GZMK: variants seen among roughly 807,000 people sequenced by gnomAD.
The protein encoded by GZMK is NK-Tryp-2.
In GZMK, 18 loss-of-function variants were observed where a neutral mutation model predicts 22.8. The observed-to-expected ratio is 0.79, with a 90% confidence interval of 0.54 to 1.17. The LOEUF is 1.17. Among genes scored for constraint, GZMK ranks in the 50% most tolerant of loss-of-function variants. The pLI, the probability that GZMK is intolerant of heterozygous loss-of-function variation, is 0.00. For synonymous variants in GZMK, 136 were observed against 115.0 expected, an observed-to-expected ratio of 1.18 and a Z score of -1.17; for missense variants, 342 against 320.2, an observed-to-expected ratio of 1.07 and a Z score of -0.52.
intron 4 of GZMK, 40 bp from the exon 5 acceptor site, chr5:55,033,725 C>T: frequency 6.5e-7 from 1 of 1,539,000 alleles, no homozygotes; most frequent in Non-Finnish European, 8.8e-7. Context: ...AATATCCCAA[C>T]AGCTTCTTAC....
In GZMK at chr5:55,024,779, G is replaced by C; in HGVS notation, c.184G>C (p.Val62Leu). 4 of 1,607,754 alleles carry C rather than the reference G, an allele frequency of 2.5e-6. No individual in the cohort carries two copies. The highest frequency in any genetic ancestry group is 2.6e-6 in the Non-Finnish European group (3 of 1,175,438). The change falls in exon 2 of 5, where the codon GTG becomes CTG. Residue 62 changes from valine (V) to leucine (L), a missense_variant. Val to Leu is a conservative substitution (Grantham distance 32). Coordinates refer to ENST00000231009, the MANE Select transcript of GZMK (RefSeq NM_002104.3). Reference protein sequence around the residue: ...CGGVLIDPQWVLTAAHCQYRF... With the variant: ...CGGVLIDPQWLLTAAHCQYRF... ...AGGTGTTCTGATTGATCCACAGTGG[G>C]TGCTGACAGCAGCCCACTGCCAATA... is the stretch of plus-strand genomic sequence containing the variant.
intron 4 of GZMK, among the ~76,000 whole-genome samples, chr5:55,033,479 A>T (rs1741265998): frequency 6.6e-6 from 1 of 152,244 alleles, no homozygotes; most frequent in Non-Finnish European, 1.5e-5. Flanking sequence ...ATAGATAGGG[A>T]CAAAACAGAG....
Position 55,034,111 on chromosome 5 carries a change from C to A in GZMK, c.*185C>A. ...GTATTTCTACCATGCTGGTTTTATT[C>A]TAAATAAAATTTAGAAGACTCTCTG... On this transcript the variant is annotated 3_prime_UTR_variant, in exon 5 of 5. Coordinates refer to ENST00000231009, the MANE Select transcript of GZMK (RefSeq NM_002104.3). The A allele has an allele frequency of 1.9e-6, 1 of 521,568 alleles. No homozygotes were observed. The highest frequency in any genetic ancestry group is 3.7e-5 in the Admixed American group (1 of 26,924). The allele number at this position is 521,568 out of a possible 1,614,324, so 32.3% of individuals were successfully genotyped here. A position where few individuals can be genotyped will look rare whatever the true frequency, so the allele number is the denominator to read the frequency against.
At chr5:55,027,329 C>T (rs902836686) in intron 2 of GZMK, among the ~76,000 whole-genome samples, 2 of 152,208 alleles carry the variant, frequency 1.3e-5, no homozygotes, top group East Asian at 3.9e-4. Flanking sequence ...AGACCTCCCT[C>T]TCTGACAGCC....
At chr5:55,024,411 T>A in intron 1 of GZMK, 25 bp downstream of exon 1, 1 of 1,055,280 alleles carries the variant, frequency 9.5e-7, no homozygotes, top group Non-Finnish European at 1.5e-6. Context: ...TATCTACATG[T>A]AAACATTAAA....
At chr5:55,028,547 T>C (rs1015470254) in intron 2 of GZMK, 1 of 81,890 alleles carries the variant, frequency 1.2e-5, no homozygotes, top group African/African-American at 1.1e-4. Flanking sequence ...ACCACAGGCA[T>C]TTGCCATTTT....
In GZMK at chr5:55,033,810, A is replaced by G; in HGVS notation, c.679A>G (p.Ile227Val). ...PLICKGVFHA[I>V]VSGGHECGVA... The stretch of plus-strand genomic sequence containing the variant: ...GATCTGTAAAGGTGTCTTCCACGCT[A>G]TAGTCTCTGGAGGTCATGAATGTGG... The change falls in exon 5 of 5, where the codon ATA (isoleucine) becomes GTA (valine). Residue 227 changes from isoleucine to valine, a missense_variant. Transcript: ENST00000231009. 1.2e-6 allele frequency: 2 copies of G among 1,613,832 alleles called. No homozygotes were observed. The highest frequency in any genetic ancestry group is 2.2e-5 in the East Asian group (1 of 44,868).
chr5:55,029,785 G>A (rs919799548), intron 2 of GZMK, among the ~76,000 whole-genome samples: 7 of 152,042 alleles, frequency 4.6e-5, no homozygotes, highest in Non-Finnish European at 8.8e-5. Context: ...CAAACTCCTG[G>A]CCTCAAATGA....
intron 2 of GZMK, chr5:55,025,802 T>G (rs927489768): frequency 1.3e-5 from 2 of 152,238 alleles, no homozygotes; most frequent in Non-Finnish European, 2.9e-5. Context: ...TTTTCTATGC[T>G]TTGGGGGTTT....
At position 55,033,987 on chromosome 5, in the gene GZMK, A is replaced by G; in HGVS notation, c.*61A>G. On this transcript the variant is annotated 3_prime_UTR_variant, in exon 5 of 5. Coordinates refer to ENST00000231009, the MANE Select transcript of GZMK (RefSeq NM_002104.3). ...TTTTCCTAATATGCTCGCAGGTTAG[A>G]GTTGGGTGTAAGTAAAGCAGAGCAC... The G allele has an allele frequency of 7.2e-7, 1 of 1,396,148 alleles. No homozygotes were observed. 86.5% of individuals were successfully genotyped at this position (1,396,148 alleles called of 1,614,324 possible). A position where few individuals can be genotyped will look rare whatever the true frequency, so the allele number is the denominator to read the frequency against.
At chr5:55,032,983 C>T (rs1156666648) in intron 4 of GZMK, among the ~76,000 whole-genome samples, 1 of 152,180 alleles carries the variant, frequency 6.6e-6, no homozygotes, top group Non-Finnish European at 1.5e-5. Flanking sequence ...TCCTAAACAT[C>T]GGTTATCATG....
In GZMK at chr5:55,033,753, T is replaced by C. The variant is rs761648143; in HGVS notation, c.634-12T>C. ...CTTCTTACCACGTATTTGCCCTTTT[T>C]CTTCCTTCCAGGGTGACTCAGGGGG... On this transcript the variant is annotated splice_polypyrimidine_tract_variant and intron_variant, in intron 4 of 4. Coordinates refer to ENST00000231009, the MANE Select transcript of GZMK (RefSeq NM_002104.3). The C allele has an allele frequency of 6.3e-7, 1 of 1,576,032 alleles. No individual in the cohort carries two copies. Among genetic ancestry groups the C allele is most frequent in the South Asian group, 1.2e-5 (1 of 84,770 alleles).
At position 55,033,745 on chromosome 5, in the gene GZMK, G is replaced by T. The variant is rs763458215; in HGVS notation, c.634-20G>T. Reference sequence around the variant, plus strand: ...CCCAACAGCTTCTTACCACGTATTTGCCCTTTTTCTTCCTTCCAGGGTGAC... The same window carrying T: ...CCCAACAGCTTCTTACCACGTATTTTCCCTTTTTCTTCCTTCCAGGGTGAC... On this transcript the variant is annotated intron_variant, in intron 4 of 4. Transcript: ENST00000231009. The T allele has an allele frequency of 6.4e-7, 1 of 1,571,828 alleles. No individual in the cohort carries two copies. The highest frequency in any genetic ancestry group is 1.2e-5 in the South Asian group (1 of 84,370).
intron 4 of GZMK, among the ~76,000 whole-genome samples, chr5:55,033,397 G>A (rs1741264241): frequency 1.3e-5 from 2 of 152,312 alleles, no homozygotes; most frequent in African/African-American, 4.8e-5. Context: ...TTTTATTTCA[G>A]TGGATTATTT....
At chr5:55,025,631 T>C (rs893181636) in intron 2 of GZMK, 2 of 135,270 alleles carry the variant, frequency 1.5e-5, no homozygotes, top group Non-Finnish European at 3.1e-5. Context: ...CTTGGGTTTT[T>C]GGTTTTGTTT....
rs764420152 is a variant in GZMK at position 55,024,789 on chromosome 5, C to A, written c.194C>A (p.Ala65Glu). The change falls in exon 2 of 5, where the codon GCA becomes GAA. Residue 65 changes from alanine to glutamate, a missense_variant. By Grantham distance (107) the Ala-to-Glu change is moderately radical. Transcript: ENST00000231009. ...VLIDPQWVLT[A>E]AHCQYRFTKG... The stretch of plus-strand genomic sequence containing the variant: ...ATTGATCCACAGTGGGTGCTGACAG[C>A]AGCCCACTGCCAATATCGGTGAGTC... 2 of 1,602,982 alleles carry A rather than the reference C, an allele frequency of 1.2e-6. No homozygotes were observed. Among genetic ancestry groups the A allele is most frequent in the Non-Finnish European group, 1.7e-6 (2 of 1,172,856 alleles).
chr5:55,034,176 C>A lies in GZMK; in HGVS notation c.*250C>A. The A allele has an allele frequency of 2.5e-6, 1 of 403,836 alleles. No individual in the cohort carries two copies. The highest frequency in any genetic ancestry group is 4.4e-6 in the Non-Finnish European group (1 of 226,574). The allele number at this position is 403,836 out of a possible 1,614,324, so 25.0% of individuals were successfully genotyped here. The stretch of plus-strand genomic sequence containing the variant: ...CATGAAGTAATATCTGCCCCCATTG[C>A]ACCCACACTCGCCAAAGGGCAATAA... On this transcript the variant is annotated 3_prime_UTR_variant, in exon 5 of 5. Coordinates refer to ENST00000231009, the MANE Select transcript of GZMK (RefSeq NM_002104.3).
chr5:55,031,288 C>T (rs1741226023), intron 3 of GZMK, 76 bp from the exon 4 acceptor site: 2 of 1,246,060 alleles, frequency 1.6e-6, no homozygotes, highest in Admixed American at 3.7e-5. Context: ...GACAGAGGGA[C>T]CACACATACG....
At chr5:55,030,941 A>G (rs1741219444) in intron 3 of GZMK, among the ~76,000 whole-genome samples, 1 of 152,240 alleles carries the variant, frequency 6.6e-6, no homozygotes, top group Non-Finnish European at 1.5e-5. Context: ...GAGCCAACCA[A>G]GTGACTTCGG....
Sources: gnomAD v4.1 joint callset for allele counts (sites outside exome capture counted in the v4.1 genomes callset) on GRCh38, gnomAD v4.1.1 for gene constraint, MANE v1.5 for transcripts, NCBI Gene and HGNC (gene_info 2026-07-23, HGNC 2026-07-21) for gene names.